C4orf54: variants seen among roughly 807,000 people sequenced by gnomAD.
C4orf54 encodes the protein chromosome 4 open reading frame 54, also known as uncharacterized protein C4orf54.
A neutral mutation model predicts 80.1 loss-of-function variants in C4orf54; 67 were observed. That is an observed-to-expected ratio of 0.84 (90% CI 0.69 to 1.03). The LOEUF is 1.03. Among genes scored for constraint, C4orf54 ranks in the 50% least tolerant of loss-of-function variants. The probability of loss-of-function intolerance (pLI) is 0.00; values close to 1 mark genes in which losing one functional copy is unlikely to be tolerated. For synonymous variants in C4orf54, 1,000 were observed against 917.0 expected (o/e 1.09, Z -1.64); for missense variants, 2,434 against 2,253.5 (o/e 1.08, Z -1.62).
chr4:99,647,673 G>T (rs2110250712), intron 2 of C4orf54, among the ~76,000 whole-genome samples: 2 of 152,270 alleles, frequency 1.3e-5, no homozygotes, highest in East Asian at 3.9e-4. Flanking sequence ...TTTTTAAAGT[G>T]TCTAATATTG....
chr4:99,650,860 G>A lies in C4orf54; in HGVS notation c.3789C>T (p.Ser1263=). The A allele has an allele frequency of 6.5e-7, 1 of 1,536,162 alleles. No homozygotes were observed. The highest frequency in any genetic ancestry group is 8.7e-7 in the Non-Finnish European group (1 of 1,146,932). The change falls in exon 2 of 3, where the codon TCC becomes TCT. Residue 1263 remains serine, a synonymous_variant. Coordinates refer to ENST00000511828, the MANE Select transcript of C4orf54 (RefSeq NM_001354435.2). ...ALEKLTAAVR[S]MEELYSFNRN... is the part of the protein sequence containing the mutation. ...TGTTGAAGCTGTACAGCTCTTCCATGGACCTCACGGCTGCAGTCAGCTTCT... is the reference window on the plus strand; with the variant it reads ...TGTTGAAGCTGTACAGCTCTTCCATAGACCTCACGGCTGCAGTCAGCTTCT...
rs187683927 is a variant in C4orf54, at chr4:99,645,951, T to C, written c.*36+3280A>G. Among the ~76,000 whole-genome samples, 15 of 152,236 alleles carry C rather than the reference T, an allele frequency of 9.9e-5. No individual in the cohort carries two copies. In the East Asian group the frequency reaches 2.9e-3, roughly 29 times the overall value. On this transcript the variant is annotated intron_variant, in intron 2 of 2. Transcript: ENST00000511828. ...GAATAATATTATCTTTTTAGATGGG[T>C]TGTGGCATGGCAAAATCTGAGAATA...
rs753766721 is a variant in C4orf54, at chr4:99,650,354, G to C, written c.4295C>G (p.Ser1432Trp). 1 of 1,535,956 alleles carries C rather than the reference G, an allele frequency of 6.5e-7. No individual in the cohort carries two copies. Among genetic ancestry groups the C allele is most frequent in the Non-Finnish European group, 8.7e-7 (1 of 1,146,912 alleles). ...ESPSAAKGIK[S>W]QGLRSLKISP... ...GATCTTGAGGGACCGGAGTCCCTGC[G>C]ACTTGATGCCCTTAGCTGCTGAAGG... The change falls in exon 2 of 3, where the codon TCG (serine) becomes TGG (tryptophan). Residue 1432 changes from serine to tryptophan, a missense_variant. Transcript: ENST00000511828.
At chr4:99,645,264 C>G (rs1726680959) in intron 2 of C4orf54, among the ~76,000 whole-genome samples, 1 of 151,994 alleles carries the variant, frequency 6.6e-6, no homozygotes, top group Non-Finnish European at 1.5e-5. Flanking sequence ...CTGAATCCAG[C>G]CCTTGCTCTT....
In C4orf54 at chr4:99,649,902, T is replaced by A; in HGVS notation, c.4747A>T (p.Ser1583Cys). ...QPQVLCFSPP[S>C]MPAPAPAASA... ...GCTGCAGGTGCTGGGGCAGGCATGCTGGGTGGGGAGAAGCAGAGGACCTGA... is the reference window on the plus strand; with the variant it reads ...GCTGCAGGTGCTGGGGCAGGCATGCAGGGTGGGGAGAAGCAGAGGACCTGA... The change falls in exon 2 of 3, where the codon AGC becomes TGC. Residue 1583 changes from serine to cysteine, a missense_variant. Physicochemically the swap from Ser to Cys is moderately radical, Grantham distance 112. Transcript: ENST00000511828. 2.0e-6 allele frequency: 3 copies of A among 1,527,890 alleles called. No homozygotes were observed. The highest frequency in any genetic ancestry group is 2.6e-6 in the Non-Finnish European group (3 of 1,141,186). 94.6% of individuals were successfully genotyped at this position (1,527,890 alleles called of 1,614,324 possible).
chr4:99,654,163 C>T lies in C4orf54; in HGVS notation c.486G>A (p.Gly162=), dbSNP rs751134132. Residue 162 remains glycine, a synonymous_variant, in exon 2 of 3, where the codon GGG becomes GGA. Coordinates refer to ENST00000511828, the MANE Select transcript of C4orf54 (RefSeq NM_001354435.2). ...LNSKARQAEV[G]DGVSSAQDSQ... The stretch of plus-strand genomic sequence containing the variant: ...TGTCTTGAGCACTGCTCACCCCGTC[C>T]CCCACCTCCGCCTGTCTTGCTTTCG... 1 of 1,536,178 alleles carries T rather than the reference C, an allele frequency of 6.5e-7. No homozygotes were observed. Among genetic ancestry groups the T allele is most frequent in the South Asian group, 1.2e-5 (1 of 84,068 alleles).
rs1726937292 is a variant in C4orf54 at position 99,654,228 on chromosome 4, GCC to G, written c.419_420del (p.Gly140AlafsTer11). The G allele has an allele frequency of 6.5e-7, 1 of 1,536,036 alleles. No homozygotes were observed. Among genetic ancestry groups the G allele is most frequent in the South Asian group, 1.2e-5 (1 of 84,058 alleles). ...HHCLFLSLKP[G>X]QGLIMEAAPP... ...GGGGCAGCTTCCATTATGAGCCCTT[GCC>G]CAGGTTTCAGCGACAGGAAGAGACA... On this transcript the variant is annotated frameshift_variant, in exon 2 of 3. Transcript: ENST00000511828. LOFTEE classifies it high-confidence loss of function.
rs1457768051 is a variant in C4orf54, at chr4:99,652,294, G to C, written c.2355C>G (p.Asp785Glu). The C allele has an allele frequency of 1.3e-6, 2 of 1,535,918 alleles. No homozygotes were observed. ...TGCCCTCGGAGGTCTCGGAGCCGTC[G>C]TCCGTGTATGCCGACCCGGGACCCT... ...PGKGPGSAYT[D>E]DGSETSEGSK... The change falls in exon 2 of 3, where the codon GAC becomes GAG. Residue 785 changes from aspartate (D) to glutamate (E), a missense_variant. Physicochemically the swap from Asp to Glu is conservative, Grantham distance 45. Coordinates refer to ENST00000511828, the MANE Select transcript of C4orf54 (RefSeq NM_001354435.2).
rs1726594709 is a variant in C4orf54 at position 99,640,826 on chromosome 4, G to C, written c.*407C>G. On this transcript the variant is annotated 3_prime_UTR_variant, in exon 3 of 3. Transcript: ENST00000511828. ...ATCCAAATTACTCATTTACTAGCTT[G>C]GTTTACAACAGAATCAATCCCATTC... 1 of 152,152 alleles carries C rather than the reference G, an allele frequency of 6.6e-6. No homozygotes were observed. Among genetic ancestry groups the C allele is most frequent in the South Asian group, 2.1e-4 (1 of 4,832 alleles). 9.4% of individuals were successfully genotyped at this position (152,152 alleles called of 1,614,324 possible). A position where few individuals can be genotyped will look rare whatever the true frequency, so the allele number is the denominator to read the frequency against.
At chr4:99,654,779 C>G (rs1726953186) in intron 1 of C4orf54, 100 bp from the exon 2 acceptor site, 1 of 586,524 alleles carries the variant, frequency 1.7e-6, no homozygotes, top group African/African-American at 1.9e-5. Context: ...AGAAGAGGCT[C>G]TAATGAGATG....
rs878985096 is a variant in C4orf54, at chr4:99,652,412, C to T, written c.2237G>A (p.Arg746His). 7.2e-6 allele frequency: 11 copies of T among 1,536,044 alleles called. 1 individual carries two copies. In the South Asian group the frequency reaches 9.5e-5, roughly 13 times the overall value. ...CAGGGGCTCCAAAAGGGTGACGACG[C>T]GGGAGCCCGTCTGGACCTGCTTCTG... Reference protein sequence around the residue: ...CFQKQVQTGSRVVTLLEPLNV... With the variant: ...CFQKQVQTGSHVVTLLEPLNV... Residue 746 changes from arginine (R) to histidine (H), a missense_variant, in exon 2 of 3, where the codon CGC (arginine) becomes CAC (histidine). Coordinates refer to ENST00000511828, the MANE Select transcript of C4orf54 (RefSeq NM_001354435.2).
Position 99,654,172 on chromosome 4 carries a change from C to G in C4orf54, c.477G>C (p.Ala159=). 1 of 1,536,218 alleles carries G rather than the reference C, an allele frequency of 6.5e-7. No homozygotes were observed. The change falls in exon 2 of 3, where the codon GCG becomes GCC. Residue 159 remains alanine (A), a synonymous_variant. Transcript: ENST00000511828. ...PPELNSKARQ[A]EVGDGVSSAQ... ...CACTGCTCACCCCGTCCCCCACCTC[C>G]GCCTGTCTTGCTTTCGAATTCAGCT...
At chr4:99,648,790 C>G (rs922656133) in intron 2 of C4orf54, among the ~76,000 whole-genome samples, 1 of 152,180 alleles carries the variant, frequency 6.6e-6, no homozygotes, top group Non-Finnish European at 1.5e-5. Flanking sequence ...TTCTGGGGAG[C>G]AAACAGATTG....
chr4:99,650,731 A>C lies in C4orf54; in HGVS notation c.3918T>G (p.Asp1306Glu), dbSNP rs1160020963. The C allele has an allele frequency of 2.6e-6, 4 of 1,535,966 alleles. No individual in the cohort carries two copies. Among genetic ancestry groups the C allele is most frequent in the Non-Finnish European group, 3.5e-6 (4 of 1,146,916 alleles). The change falls in exon 2 of 3, where the codon GAT becomes GAG. Residue 1306 changes from aspartate to glutamate, a missense_variant. Physicochemically the swap from Asp to Glu is conservative, Grantham distance 45. Coordinates refer to ENST00000511828, the MANE Select transcript of C4orf54 (RefSeq NM_001354435.2). ...SEEREGVVVA[D>E]GDHDKLSKRL... ...GTTTGGACAGCTTGTCGTGGTCTCC[A>C]TCAGCAACCACTACCCCTTCCCTCT...
rs1726784160 is a variant in C4orf54, at chr4:99,650,294, G to T, written c.4355C>A (p.Thr1452Asn). ...CAAATTGCTGCCACTTTTCCTGTTGGTCACCTCATCAGGAGGTGCCCGGGT... is the reference window on the plus strand; with the variant it reads ...CAAATTGCTGCCACTTTTCCTGTTGTTCACCTCATCAGGAGGTGCCCGGGT... Reference protein sequence around the residue: ...PATRAPPDEVTNRKSGSNLEK... With the variant: ...PATRAPPDEVNNRKSGSNLEK... The change falls in exon 2 of 3, where the codon ACC becomes AAC. Residue 1452 changes from threonine to asparagine, a missense_variant. By Grantham distance (65) the Thr-to-Asn change is moderately conservative (BLOSUM62 0). Coordinates refer to ENST00000511828, the MANE Select transcript of C4orf54 (RefSeq NM_001354435.2). 4 of 1,535,896 alleles carry T rather than the reference G, an allele frequency of 2.6e-6. No homozygotes were observed. The highest frequency in any genetic ancestry group is 2.4e-5 in the East Asian group (1 of 40,914).
Position 99,652,242 on chromosome 4 carries a change from G to A in C4orf54, c.2407C>T (p.Pro803Ser), listed in dbSNP as rs1054090431. ...CTGGAGGCGAACTTGGACTTCTGGG[G>A]GCCATCGGCGCGGGAGGTGGGCTTG... ...GSKPTSRADG[P>S]QKSKFASSLL... The change falls in exon 2 of 3, where the codon CCC (proline) becomes TCC (serine). Residue 803 changes from proline (P) to serine (S), a missense_variant. By Grantham distance (74) the Pro-to-Ser change is moderately conservative. Coordinates refer to ENST00000511828, the MANE Select transcript of C4orf54 (RefSeq NM_001354435.2). 1 of 1,535,882 alleles carries A rather than the reference G, an allele frequency of 6.5e-7. No homozygotes were observed. The highest frequency in any genetic ancestry group is 8.7e-7 in the Non-Finnish European group (1 of 1,146,812).
At position 99,638,686 on chromosome 4, in the gene C4orf54, T is replaced by A. The variant is rs1726551892; in HGVS notation, c.*2547A>T. 1 of 152,130 alleles carries A rather than the reference T, an allele frequency of 6.6e-6. No individual in the cohort carries two copies. Among genetic ancestry groups the A allele is most frequent in the Non-Finnish European group, 1.5e-5 (1 of 67,980 alleles). 9.4% of individuals were successfully genotyped at this position (152,130 alleles called of 1,614,324 possible). On this transcript the variant is annotated 3_prime_UTR_variant, in exon 3 of 3. Coordinates refer to ENST00000511828, the MANE Select transcript of C4orf54 (RefSeq NM_001354435.2). The stretch of plus-strand genomic sequence containing the variant: ...GGAAGGGTATATCACTTCATTCAAA[T>A]ATTCATGCAACCTCAAGAAATGACA...
Position 99,649,217 on chromosome 4 carries a change from T to C in C4orf54, c.*36+14A>G. 3.4e-6 allele frequency: 5 copies of C among 1,452,210 alleles called. No individual in the cohort carries two copies. Among genetic ancestry groups the C allele is most frequent in the Middle Eastern group, 3.6e-4 (2 of 5,528 alleles). 90.0% of individuals were successfully genotyped at this position (1,452,210 alleles called of 1,614,324 possible). A position where few individuals can be genotyped will look rare whatever the true frequency, so the allele number is the denominator to read the frequency against. On this transcript the variant is annotated intron_variant, in intron 2 of 2. Coordinates refer to ENST00000511828, the MANE Select transcript of C4orf54 (RefSeq NM_001354435.2). ...ACTCTCTTAAACCTGATTATCAAAG[T>C]GAAATTCACTTACCAGCAGTTTTTC...
rs754818951 is a variant in C4orf54, at chr4:99,650,059, T to C, written c.4590A>G (p.Pro1530=). ...GGTTGTCAGGTTTGGTACGCCAAGC[T>C]GGTCGGCTGGTTCCACTAACCTGAG... ...KGSQVSGTSR[P]AWRTKPDNPR... is the part of the protein sequence containing the mutation. The change falls in exon 2 of 3, where the codon CCA becomes CCG. Residue 1530 remains proline (P), a synonymous_variant. Coordinates refer to ENST00000511828, the MANE Select transcript of C4orf54 (RefSeq NM_001354435.2). 100 of 1,535,714 alleles carry C rather than the reference T, an allele frequency of 6.5e-5. No individual in the cohort carries two copies. The highest frequency in any genetic ancestry group is 8.5e-5 in the Non-Finnish European group (98 of 1,146,836).
Sources: allele counts gnomAD v4.1 joint callset (sites outside exome capture counted in the v4.1 genomes callset), GRCh38; gene constraint gnomAD v4.1.1; transcripts MANE v1.5; gene names NCBI Gene and HGNC (gene_info 2026-07-23, HGNC 2026-07-21).